ZNF570: variants seen among roughly 807,000 people sequenced by gnomAD.
ZNF570 encodes the protein zinc finger protein 570.
A neutral mutation model predicts 14.2 loss-of-function variants in ZNF570; 8 were observed. The observed-to-expected ratio is 0.56, with a 90% CI of 0.33 to 1.02. The LOEUF is 1.02. Among genes scored for constraint, ZNF570 ranks in the 50% least tolerant of loss-of-function variants. The pLI is 0.03. For synonymous variants in ZNF570, 202 were observed against 207.6 expected, an observed-to-expected ratio of 0.97 and a Z score of 0.23; for missense variants, 559 against 624.9, an observed-to-expected ratio of 0.89 and a Z score of 1.12.
chr19:37,476,705 CTTTTTTTT>C (rs35904468), intron 4 of ZNF570, among the ~76,000 whole-genome samples: 1 of 111,736 alleles, frequency 8.9e-6, no homozygotes, highest in African/African-American at 3.8e-5. Flanking sequence ...GTCTTATAAA[CTTTTTTTT>C]TTTTTTTTTT....
chr19:37,482,340 G>A (rs1322786457), intron 4 of ZNF570, among the ~76,000 whole-genome samples: 3 of 152,168 alleles, frequency 2.0e-5, no homozygotes, highest in African/African-American at 4.8e-5. Flanking sequence ...GAAGCATAGC[G>A]GCATCTTCCT....
In ZNF570 at chr19:37,484,247, A is replaced by T. The variant is rs1381605885; in HGVS notation, c.625A>T (p.Lys209Ter). 2.5e-6 allele frequency: 4 copies of T among 1,614,014 alleles called. No homozygotes were observed. Among genetic ancestry groups the T allele is most frequent in the Non-Finnish European group, 3.4e-6 (4 of 1,180,002 alleles). ...FKKNLMAIKP[K>*]SVCAEKKLLK... Reference sequence around the variant, plus strand: ...AAAAAATTTAATGGCTATTAAGCCCAAGAGTGTCTGTGCAGAGAAGAAACT... The same window carrying T: ...AAAAAATTTAATGGCTATTAAGCCCTAGAGTGTCTGTGCAGAGAAGAAACT... The change falls in exon 5 of 5, where the codon AAG (lysine) becomes TAG (stop). Residue 209 changes from lysine to a stop codon, truncating the protein, a stop_gained. Coordinates refer to ENST00000330173, the MANE Select transcript of ZNF570 (RefSeq NM_144694.5). LOFTEE classifies it low-confidence loss of function (END_TRUNC).
chr19:37,470,883 A>G (rs2041949702), intron 2 of ZNF570, among the ~76,000 whole-genome samples: 1 of 150,424 alleles, frequency 6.6e-6, no homozygotes, highest in Admixed American at 6.6e-5. Flanking sequence ...TATTTTTAGT[A>G]GAGACGGGGT....
intron 4 of ZNF570, among the ~76,000 whole-genome samples, chr19:37,482,867 C>CT (rs2042103677): frequency 6.7e-6 from 1 of 149,998 alleles, no homozygotes; most frequent in Non-Finnish European, 1.5e-5. Flanking sequence ...CTCTCTCCCC[C>CT]TCCCCCCCTT....
upstream of ZNF570, chr19:37,467,905 G>A: frequency 6.5e-7 from 1 of 1,536,058 alleles, no homozygotes; most frequent in Non-Finnish European, 8.7e-7. Flanking sequence ...GCATGTATTT[G>A]TTCTTTCTGG....
upstream of ZNF570, chr19:37,469,234 C>T (rs941412650): frequency 2.8e-5 from 38 of 1,364,184 alleles, no homozygotes; most frequent in Middle Eastern, 2.8e-4. Context: ...GGAGCTGCAC[C>T]GCTGCTGCCA....
chr19:37,469,743 C>T, intron 1 of ZNF570, 186 bp downstream of exon 1: 1 of 653,260 alleles, frequency 1.5e-6, no homozygotes, highest in Non-Finnish European at 2.6e-6. Context: ...GTGAGATTGT[C>T]GCTTGTGATA....
In ZNF570 at chr19:37,484,747, AC is replaced by A. The variant is rs1222569480; in HGVS notation, c.1126del (p.His376IlefsTer164). On this transcript the variant is annotated frameshift_variant, in exon 5 of 5. Coordinates refer to ENST00000330173, the MANE Select transcript of ZNF570 (RefSeq NM_144694.5). LOFTEE classifies it low-confidence loss of function (END_TRUNC). ...TTAGCCTTCGTGCATACCTTACTGT[AC>A]ATCAGAGAATACATACTGGAGAGAG... ...AFSLRAYLTV[H>X]QRIHTGERPY... 3.1e-6 allele frequency: 5 copies of A among 1,614,022 alleles called. No individual in the cohort carries two copies. The highest frequency in any genetic ancestry group is 4.2e-6 in the Non-Finnish European group (5 of 1,180,032).
intron 4 of ZNF570, among the ~76,000 whole-genome samples, chr19:37,480,056 G>T (rs1249715583): frequency 1.3e-5 from 2 of 151,694 alleles, no homozygotes; most frequent in Non-Finnish European, 2.9e-5. Context: ...TTATTTCTTG[G>T]TTTTTCTCCA....
chr19:37,469,609 G>C (rs2041919607), intron 1 of ZNF570, 52 bp downstream of exon 1: 3 of 1,504,022 alleles, frequency 2.0e-6, no homozygotes, highest in African/African-American at 2.8e-5. Flanking sequence ...TCCACGTCCT[G>C]TGTGACTGGG....
At chr19:37,475,851 G>A (rs777999386) in intron 2 of ZNF570, 30 bp from the exon 3 acceptor site, 22 of 1,599,614 alleles carry the variant, frequency 1.4e-5, no homozygotes, top group Non-Finnish European at 1.9e-5. Context: ...TATGGTAAGA[G>A]ATAAGGTTCT....
At chr19:37,483,601 G>A (rs1355491612) in intron 4 of ZNF570, among the ~76,000 whole-genome samples, 1 of 152,108 alleles carries the variant, frequency 6.6e-6, no homozygotes, top group African/African-American at 2.4e-5. Context: ...TCTATTTTAT[G>A]AATACAGGCA....
upstream of ZNF570, among the ~76,000 whole-genome samples, chr19:37,468,404 A>G (rs1444750735): frequency 2.0e-5 from 3 of 152,128 alleles, no homozygotes; most frequent in African/African-American, 4.8e-5. Context: ...TACCTTTAAT[A>G]AAGAGATAAT....
rs1340629057 is a variant in ZNF570 at position 37,484,374 on chromosome 19, G to A, written c.752G>A (p.Cys251Tyr). ...GAGAAACCCTATAAATGTATAGAGT[G>A]TGGAAAAGCCTTCAGCCAGAGATCA... ...TGEKPYKCIE[C>Y]GKAFSQRSNL... Residue 251 changes from cysteine to tyrosine, a missense_variant, in exon 5 of 5, where the codon TGT becomes TAT. Coordinates refer to ENST00000330173, the MANE Select transcript of ZNF570 (RefSeq NM_144694.5). 6.2e-7 allele frequency: 1 copy of A among 1,613,998 alleles called. No homozygotes were observed. Among genetic ancestry groups the A allele is most frequent in the Non-Finnish European group, 8.5e-7 (1 of 1,180,030 alleles).
rs200972286 is a variant in ZNF570, at chr19:37,484,251, G to C, written c.629G>C (p.Ser210Thr). ...KKNLMAIKPK[S>T]VCAEKKLLKC... is the part of the protein sequence containing the mutation. ...AATTTAATGGCTATTAAGCCCAAGA[G>C]TGTCTGTGCAGAGAAGAAACTTTTG... Residue 210 changes from serine to threonine, a missense_variant, in exon 5 of 5, where the codon AGT becomes ACT. Transcript: ENST00000330173. 5.0e-6 allele frequency: 8 copies of C among 1,613,808 alleles called. No homozygotes were observed.
At position 37,482,839 on chromosome 19, in the gene ZNF570, CTCTT is replaced by C. The variant is rs1353306997; in HGVS notation, c.257-1032_257-1029del. Among the ~76,000 whole-genome samples the C allele has an allele frequency of 2.8e-4, 39 of 141,432 alleles. No homozygotes were observed. The East Asian group carries it at 6.5e-3, about 24-fold the overall frequency. 92.8% of individuals were successfully genotyped at this position (141,432 alleles called of 152,430 possible). On this transcript the variant is annotated intron_variant, in intron 4 of 4. Coordinates refer to ENST00000330173, the MANE Select transcript of ZNF570 (RefSeq NM_144694.5). Reference sequence around the variant, plus strand: ...TTTCTCTCTCTCTCTCTCTCTCTCTCTCTTTCTTTCTCTCTCTCTCTCTCCCCCT... The same window carrying C: ...TTTCTCTCTCTCTCTCTCTCTCTCTCTCTTTCTCTCTCTCTCTCTCCCCCT...
intron 4 of ZNF570, among the ~76,000 whole-genome samples, chr19:37,480,006 C>A (rs2042068602): frequency 6.6e-6 from 1 of 152,110 alleles, no homozygotes; most frequent in Admixed American, 6.6e-5. Context: ...TTTTCCACTA[C>A]CTCACTTTCT....
At chr19:37,468,071 GTTTT>G (rs35295578), upstream of ZNF570, 2 of 586,370 alleles carry the variant, frequency 3.4e-6, no homozygotes, top group South Asian at 2.3e-5. Flanking sequence ...TGCCTTTCGT[GTTTT>G]TTTTTTTTTG....
chr19:37,470,138 A>C (rs2041931113), intron 1 of ZNF570, 166 bp from the exon 2 acceptor site: 1 of 565,116 alleles, frequency 1.8e-6, no homozygotes, highest in African/African-American at 1.9e-5. Flanking sequence ...GAAATGATTT[A>C]GGCATCAGTT....
Sources: allele counts gnomAD v4.1 joint callset (sites outside exome capture counted in the v4.1 genomes callset), GRCh38; gene constraint gnomAD v4.1.1; transcripts MANE v1.5; gene names NCBI Gene and HGNC (gene_info 2026-07-23, HGNC 2026-07-21).